CDH13: variants seen among roughly 807,000 people sequenced by gnomAD.
The protein encoded by CDH13 is cadherin-13.
CDH13 carries 24 observed loss-of-function variants against 63.8 expected under a neutral mutation model. The observed-to-expected ratio is 0.38, with a 90% CI of 0.27 to 0.53. CDH13 has a LOEUF of 0.53. Ranked by LOEUF, CDH13 falls within the 20% of genes least tolerant of loss-of-function variation. CDH13 has a pLI of 0.85. For synonymous variants in CDH13, 503 were observed against 355.3 expected (o/e 1.42, Z -4.67); for missense variants, 1,049 against 903.1 (o/e 1.16, Z -2.07).
intron 5 of CDH13, among the ~76,000 whole-genome samples, chr16:83,242,241 G>A (rs1904532034): frequency 6.6e-6 from 1 of 152,278 alleles, no homozygotes; most frequent in South Asian, 2.1e-4. Context: ...TTTGTAGTAT[G>A]TTTCTAAAAC....
intron 5 of CDH13, among the ~76,000 whole-genome samples, chr16:83,304,834 C>G (rs1440214467): frequency 6.6e-6 from 1 of 152,142 alleles, no homozygotes; most frequent in Non-Finnish European, 1.5e-5. Context: ...GTAGCAAACT[C>G]TCTCCCTCTC....
At chr16:83,011,447 C>A (rs554569057) in intron 2 of CDH13, among the ~76,000 whole-genome samples, 1 of 152,164 alleles carries the variant, frequency 6.6e-6, no homozygotes, top group African/African-American at 2.4e-5. Context: ...ACAAGTAGTG[C>A]AAATCGAAAG....
chr16:82,885,621 A>G (rs1375342532), intron 2 of CDH13, among the ~76,000 whole-genome samples: 1 of 152,076 alleles, frequency 6.6e-6, no homozygotes, highest in East Asian at 1.9e-4. Context: ...TCTTCTATCT[A>G]TCTGTATATT....
At chr16:83,703,307 A>C (rs956191719) in intron 10 of CDH13, among the ~76,000 whole-genome samples, 6 of 152,228 alleles carry the variant, frequency 3.9e-5, no homozygotes, top group African/African-American at 1.4e-4. Flanking sequence ...AAATGTATAC[A>C]CTCAGGAAAC....
chr16:82,876,270 G>A (rs1263325296), intron 2 of CDH13, among the ~76,000 whole-genome samples: 1 of 152,132 alleles, frequency 6.6e-6, no homozygotes, highest in Admixed American at 6.5e-5. Context: ...TTGTATCTCT[G>A]CCAGACAGAA....
chr16:83,340,188 GCA>G (rs2090690163), intron 5 of CDH13, among the ~76,000 whole-genome samples: 1 of 152,194 alleles, frequency 6.6e-6, no homozygotes, highest in South Asian at 2.1e-4. Flanking sequence ...CATTCAGCAT[GCA>G]CAGTTGAAGA....
At chr16:83,252,197 CT>C (rs1368385615) in intron 5 of CDH13, among the ~76,000 whole-genome samples, 1 of 148,866 alleles carries the variant, frequency 6.7e-6, no homozygotes, top group African/African-American at 2.5e-5. Flanking sequence ...CTCCCCACCC[CT>C]AATGCATTTT....
At chr16:83,629,926 C>T (rs954954926) in intron 8 of CDH13, among the ~76,000 whole-genome samples, 1 of 152,226 alleles carries the variant, frequency 6.6e-6, no homozygotes. Context: ...CAGTCTAGAA[C>T]CATCACACTT....
intron 1 of CDH13, among the ~76,000 whole-genome samples, chr16:82,813,285 T>C (rs2037538207): frequency 6.6e-6 from 1 of 152,112 alleles, no homozygotes; most frequent in Admixed American, 6.6e-5. Context: ...AGATGGGAGA[T>C]GCTGATGCGT....
At chr16:82,968,033 A>G (rs868296128) in intron 2 of CDH13, among the ~76,000 whole-genome samples, 2 of 152,218 alleles carry the variant, frequency 1.3e-5, no homozygotes, top group South Asian at 2.1e-4. Flanking sequence ...CTCTAATGGC[A>G]TGAGTCCTTC....
At chr16:83,453,522 A>T (rs1158609698) in intron 6 of CDH13, among the ~76,000 whole-genome samples, 1 of 152,206 alleles carries the variant, frequency 6.6e-6, no homozygotes, top group African/African-American at 2.4e-5. Flanking sequence ...ACTTAATAAA[A>T]TCATAGTTGC....
intron 1 of CDH13, among the ~76,000 whole-genome samples, chr16:82,689,184 G>C (rs200632676): frequency 6.9e-6 from 1 of 145,902 alleles, no homozygotes; most frequent in Middle Eastern, 3.6e-3. Context: ...TTTTTTTCAA[G>C]ATAAAACCAG....
chr16:82,714,775 G>C (rs146932066), intron 1 of CDH13, among the ~76,000 whole-genome samples: 6 of 142,320 alleles, frequency 4.2e-5, no homozygotes, highest in African/African-American at 1.0e-4. Context: ...TGTGATGATG[G>C]AGGCAAAAAC....
chr16:83,320,803 A>T lies in CDH13; in HGVS notation c.637-24059A>T, dbSNP rs192215449. Reference sequence around the variant, plus strand: ...CATCACCGTCAGCCAACAATCAGCCACAAAGTGGAGCCCATTAGATCTCTG... The same window carrying T: ...CATCACCGTCAGCCAACAATCAGCCTCAAAGTGGAGCCCATTAGATCTCTG... On this transcript the variant is annotated intron_variant, in intron 5 of 13. Coordinates refer to ENST00000567109, the MANE Select transcript of CDH13 (RefSeq NM_001257.5). Among the ~76,000 whole-genome samples, 9 of 152,318 alleles carry T rather than the reference A, an allele frequency of 5.9e-5. No homozygotes were observed. In the East Asian group the frequency reaches 9.7e-4, roughly 16 times the overall value.
chr16:82,947,159 C>A (rs12932028), intron 2 of CDH13, among the ~76,000 whole-genome samples: 3,510 of 152,146 alleles, frequency 0.023, 46 homozygotes, highest in Middle Eastern at 0.041. Flanking sequence ...AATTTTTAAG[C>A]TTGAGTGATC....
At chr16:83,622,720 A>C (rs972353332) in intron 8 of CDH13, among the ~76,000 whole-genome samples, 3 of 152,196 alleles carry the variant, frequency 2.0e-5, no homozygotes, top group African/African-American at 7.2e-5. Flanking sequence ...TACATTTATG[A>C]TAGTCGTTAC....
Position 82,644,313 on chromosome 16 carries a change from C to T in CDH13, c.45+17176C>T, listed in dbSNP as rs1020856271. Among the ~76,000 whole-genome samples, 6 of 152,060 alleles carry T rather than the reference C, an allele frequency of 3.9e-5. No individual in the cohort carries two copies. Among genetic ancestry groups the T allele is most frequent in the Non-Finnish European group, 7.4e-5 (5 of 68,016 alleles). On this transcript the variant is annotated intron_variant, in intron 1 of 13. Transcript: ENST00000567109. The surrounding 1 kb of genome is among the most constrained non-coding windows in gnomAD (Gnocchi z 5.7). Reference sequence around the variant, plus strand: ...GCTCATCACTCTGCAAATCAAGGCCCCCCGAACTCCTCCCACCCCTGCCTT... The same window carrying T: ...GCTCATCACTCTGCAAATCAAGGCCTCCCGAACTCCTCCCACCCCTGCCTT...
intron 5 of CDH13, among the ~76,000 whole-genome samples, chr16:83,250,345 G>T (rs1019546103): frequency 5.9e-5 from 9 of 152,084 alleles, no homozygotes; most frequent in African/African-American, 2.2e-4. Flanking sequence ...GAGATTAGAG[G>T]GATGAAGAAT....
intron 7 of CDH13, among the ~76,000 whole-genome samples, chr16:83,573,121 T>G (rs1376745988): frequency 6.6e-6 from 1 of 152,168 alleles, no homozygotes; most frequent in African/African-American, 2.4e-5. Flanking sequence ...CAGTAACACA[T>G]TGCTGAGCTG....
Sources: gnomAD v4.1 joint callset for allele counts (sites outside exome capture counted in the v4.1 genomes callset) on GRCh38, gnomAD v4.1.1 for gene constraint, Gnocchi (gnomAD v3.1) non-coding constraint, MANE v1.5 for transcripts, NCBI Gene and HGNC (gene_info 2026-07-23, HGNC 2026-07-21) for gene names.